NSUN6: variants seen among roughly 807,000 people sequenced by gnomAD.
The protein encoded by NSUN6 is tRNA (cytosine(72)-C(5))-methyltransferase NSUN6.
NSUN6 carries 64 observed loss-of-function variants against 58.0 expected under a neutral mutation model. That is an observed-to-expected ratio of 1.10 (90% CI 0.90 to 1.36). The LOEUF (loss-of-function observed/expected upper bound fraction) is 1.36. NSUN6 is among the 40% of genes most tolerant of loss of function. NSUN6 has a pLI of 0.00. For missense variants in NSUN6, 701 were observed against 550.1 expected (o/e 1.27, Z -2.74); for synonymous variants, 231 against 193.9 (o/e 1.19, Z -1.59).
At chr10:18,651,793 A>AC, upstream of NSUN6, 2 of 985,330 alleles carry the variant, frequency 2.0e-6, no homozygotes, top group Non-Finnish European at 2.4e-6. Context: ...AAGTAGGCAG[A>AC]CCCCGCGGGC....
At chr10:18,635,536 C>G (rs886688112) in intron 3 of NSUN6, among the ~76,000 whole-genome samples, 2 of 152,066 alleles carry the variant, frequency 1.3e-5, no homozygotes, top group Non-Finnish European at 2.9e-5. Flanking sequence ...TGTGTCTCAT[C>G]AAAAGCTAAG....
Position 18,651,424 on chromosome 10 carries a change from A to T in NSUN6, c.-221T>A. 8.1e-7 allele frequency: 1 copy of T among 1,238,982 alleles called. No homozygotes were observed. The highest frequency in any genetic ancestry group is 1.0e-6 in the Non-Finnish European group (1 of 990,516). 76.7% of individuals were successfully genotyped at this position (1,238,982 alleles called of 1,614,324 possible). A position where few individuals can be genotyped will look rare whatever the true frequency, so the allele number is the denominator to read the frequency against. ...GGCTTCCACCACACCTCATCGAGGC[A>T]ATGTTTTCTGGTAGAGATGCTCATG... On this transcript the variant is annotated 5_prime_UTR_variant, in exon 1 of 11. Coordinates refer to ENST00000377304, the MANE Select transcript of NSUN6 (RefSeq NM_182543.5).
intron 7 of NSUN6, among the ~76,000 whole-genome samples, chr10:18,591,585 G>A (rs1372656704): frequency 1.3e-5 from 2 of 152,060 alleles, no homozygotes; most frequent in Non-Finnish European, 2.9e-5. Context: ...ATCAAAAAAC[G>A]TAATCCATCA....
chr10:18,593,118 C>A (rs1462261955), intron 7 of NSUN6, among the ~76,000 whole-genome samples: 1 of 152,190 alleles, frequency 6.6e-6, no homozygotes, highest in African/African-American at 2.4e-5. Context: ...CTCGTCATCA[C>A]TGGTCATTAG....
intron 3 of NSUN6, among the ~76,000 whole-genome samples, chr10:18,629,673 G>C (rs1316067535): frequency 6.6e-6 from 1 of 151,740 alleles, no homozygotes; most frequent in Non-Finnish European, 1.5e-5. Context: ...TTACATAATG[G>C]TAAAGGGATC....
chr10:18,597,966 G>A (rs988515019), intron 6 of NSUN6, among the ~76,000 whole-genome samples: 9 of 152,164 alleles, frequency 5.9e-5, no homozygotes, highest in African/African-American at 2.2e-4. Flanking sequence ...AGAGCTAAGT[G>A]TCAGGCCTCT....
intron 3 of NSUN6, among the ~76,000 whole-genome samples, chr10:18,620,165 G>A (rs1049382574): frequency 2.6e-5 from 4 of 151,358 alleles, no homozygotes; most frequent in Non-Finnish European, 4.4e-5. Context: ...TTGGCTCGCT[G>A]CAAGCTCCAC....
intron 3 of NSUN6, among the ~76,000 whole-genome samples, chr10:18,641,523 A>G (rs887643677): frequency 6.6e-6 from 1 of 151,478 alleles, no homozygotes; most frequent in Non-Finnish European, 1.5e-5. Context: ...GCACCACCAT[A>G]CCCAGCTAAT....
rs538782748 is a variant in NSUN6 at position 18,572,733 on chromosome 10, C to T, written c.922+13216G>A. ...TTCCCTTCTCCATTCCATTCCACATCCTCCTTTCAATTTCATTCTCCATTC... is the reference window on the plus strand; with the variant it reads ...TTCCCTTCTCCATTCCATTCCACATTCTCCTTTCAATTTCATTCTCCATTC... On this transcript the variant is annotated intron_variant, in intron 8 of 10. Coordinates refer to ENST00000377304, the MANE Select transcript of NSUN6 (RefSeq NM_182543.5). Among the ~76,000 whole-genome samples, 3 of 148,748 alleles carry T rather than the reference C, an allele frequency of 2.0e-5. No homozygotes were observed. The East Asian group carries it at 6.2e-4, about 31-fold the overall frequency.
rs900596942 is a variant in NSUN6 at position 18,616,302 on chromosome 10, G to A, written c.312-9C>T. The A allele has an allele frequency of 2.4e-5, 37 of 1,546,346 alleles. No individual in the cohort carries two copies. The highest frequency in any genetic ancestry group is 3.3e-5 in the Non-Finnish European group (37 of 1,119,154). On this transcript the variant is annotated splice_polypyrimidine_tract_variant and intron_variant, in intron 3 of 10. Transcript: ENST00000377304. ...GTTTTTTAATATTCTTTCTAGAAAT[G>A]TAAGACACAAGAAGTTTAATAGTAA...
chr10:18,545,868 T>TAAAAAATAAAAAAAAAAAAA lies in NSUN6; in HGVS notation c.*64_*65insTTTTTTTTTTTTTATTTTTT, dbSNP rs2054219445. 1.7e-6 allele frequency: 1 copy of TAAAAAATAAAAAAAAAAAAA among 579,098 alleles called. No individual in the cohort carries two copies. The allele number at this position is 579,098 out of a possible 1,614,324, so 35.9% of individuals were successfully genotyped here. The stretch of plus-strand genomic sequence containing the variant: ...TCAGTTGGCCTGACAACACTTTGGT[T>TAAAAAATAAAAAAAAAAAAA]AAAAAAAAAAAAACCACAGACAGCA... On this transcript the variant is annotated 3_prime_UTR_variant, in exon 11 of 11. Coordinates refer to ENST00000377304, the MANE Select transcript of NSUN6 (RefSeq NM_182543.5).
In NSUN6 at chr10:18,548,192, A is replaced by G; in HGVS notation, c.1117T>C (p.Cys373Arg). 1 of 1,613,280 alleles carries G rather than the reference A, an allele frequency of 6.2e-7. No homozygotes were observed. The highest frequency in any genetic ancestry group is 2.2e-5 in the East Asian group (1 of 44,864). Reference protein sequence around the residue: ...KPEGVLVYSTCTITLAENEEQ... With the variant: ...KPEGVLVYSTRTITLAENEEQ... ...TCATTTTCGGCCAGTGTTATAGTGCACGTGCTATAAACCAGCACACCCTCT... is the reference window on the plus strand; with the variant it reads ...TCATTTTCGGCCAGTGTTATAGTGCGCGTGCTATAAACCAGCACACCCTCT... Residue 373 changes from cysteine (C) to arginine (R), a missense_variant, in exon 10 of 11, where the codon TGC (cysteine) becomes CGC (arginine). Transcript: ENST00000377304.
Position 18,614,558 on chromosome 10 carries a change from C to A in NSUN6, c.477G>T (p.Lys159Asn), listed in dbSNP as rs767692537. ...SVYSDIKGKC[K>N]KGAKEFDGTK... ...TTCCATCAAATTCTTTGGCTCCTTTCTTACATTTTCCTTTAATATCAGAGT... is the reference window on the plus strand; with the variant it reads ...TTCCATCAAATTCTTTGGCTCCTTTATTACATTTTCCTTTAATATCAGAGT... The change falls in exon 5 of 11, where the codon AAG (lysine) becomes AAT (asparagine). Residue 159 changes from lysine to asparagine, a missense_variant. Lys to Asn is a moderately conservative substitution (Grantham distance 94). Transcript: ENST00000377304. The A allele has an allele frequency of 2.0e-6, 3 of 1,527,492 alleles. No homozygotes were observed. Among genetic ancestry groups the A allele is most frequent in the Non-Finnish European group, 2.7e-6 (3 of 1,127,516 alleles). 94.6% of individuals were successfully genotyped at this position (1,527,492 alleles called of 1,614,324 possible).
chr10:18,572,353 TTCCATTCCATTC>T (rs1281580511), intron 8 of NSUN6, among the ~76,000 whole-genome samples: 1 of 151,190 alleles, frequency 6.6e-6, no homozygotes, highest in Non-Finnish European at 1.5e-5. Context: ...CCAATCCACA[TTCCATTCCATTC>T]TCCATTCCAT....
intron 6 of NSUN6, among the ~76,000 whole-genome samples, chr10:18,602,811 C>A (rs2057899524): frequency 6.6e-6 from 1 of 152,094 alleles, no homozygotes; most frequent in South Asian, 2.1e-4. Context: ...GTGAGGGATG[C>A]ATTTTTCTCA....
Position 18,628,132 on chromosome 10 carries a change from CA to C in NSUN6, c.312-11840del, listed in dbSNP as rs2058891935. On this transcript the variant is annotated intron_variant, in intron 3 of 10. Coordinates refer to ENST00000377304, the MANE Select transcript of NSUN6 (RefSeq NM_182543.5). Reference sequence around the variant, plus strand: ...GAGCAGCCTAACTGGGAGGCACCCCCAAGCAGGGGCAGACTGACACCTCACA... The same window carrying C: ...GAGCAGCCTAACTGGGAGGCACCCCCAGCAGGGGCAGACTGACACCTCACA... Among the ~76,000 whole-genome samples, 4 of 152,200 alleles carry C rather than the reference CA, an allele frequency of 2.6e-5. No individual in the cohort carries two copies. The South Asian group carries it at 8.3e-4, about 32-fold the overall frequency.
intron 6 of NSUN6, among the ~76,000 whole-genome samples, chr10:18,600,085 C>T (rs752836670): frequency 2.0e-5 from 3 of 152,088 alleles, no homozygotes; most frequent in Non-Finnish European, 4.4e-5. Context: ...TTATCACTAG[C>T]CCCTCACAAT....
chr10:18,560,839 G>T (rs997842687), intron 8 of NSUN6, among the ~76,000 whole-genome samples: 1 of 150,394 alleles, frequency 6.6e-6, no homozygotes, highest in African/African-American at 2.4e-5. Context: ...GAATGGAAGA[G>T]AATGGAATGG....
chr10:18,591,851 T>C (rs1301923709), intron 7 of NSUN6, among the ~76,000 whole-genome samples: 1 of 152,074 alleles, frequency 6.6e-6, no homozygotes, highest in East Asian at 1.9e-4. Context: ...CAACATAGTA[T>C]TGGAAGCTCT....
Sources: allele counts gnomAD v4.1 joint callset (sites outside exome capture counted in the v4.1 genomes callset), GRCh38; gene constraint gnomAD v4.1.1; transcripts MANE v1.5; gene names NCBI Gene and HGNC (gene_info 2026-07-23, HGNC 2026-07-21).